PDE4B: variants seen among roughly 807,000 people sequenced by gnomAD.
The protein encoded by PDE4B is 3',5'-cyclic-AMP phosphodiesterase 4B.
In PDE4B, 20 loss-of-function variants were observed where a neutral mutation model predicts 82.2. That is an observed-to-expected ratio of 0.24 (90% CI 0.17 to 0.35). The LOEUF (loss-of-function observed/expected upper bound fraction) is 0.35, where lower values mean the gene tolerates loss of function less well. PDE4B is among the 10% of genes least tolerant of loss of function. PDE4B has a pLI of 1.00. For missense variants in PDE4B, 655 were observed against 907.2 expected (o/e 0.72, Z 3.57); for synonymous variants, 320 against 318.9 (o/e 1.00, Z -0.04).
intron 3 of PDE4B, among the ~76,000 whole-genome samples, chr1:66,032,829 T>C (rs1243382196): frequency 1.3e-5 from 2 of 152,006 alleles, no homozygotes; most frequent in East Asian, 1.9e-4. Context: ...TAATTTTTTG[T>C]ATTTTTAGTG....
At position 66,155,940 on chromosome 1, in the gene PDE4B, A is replaced by T. The variant is rs1416168917; in HGVS notation, c.282-91520A>T. Reference sequence around the variant, plus strand: ...ACCCCTGCCTGATTTCTTGTACTTTATGCTTCTACAAAACCAATGTTAATC... The same window carrying T: ...ACCCCTGCCTGATTTCTTGTACTTTTTGCTTCTACAAAACCAATGTTAATC... On this transcript the variant is annotated intron_variant, in intron 3 of 16. Transcript: ENST00000341517. 2.6e-5 allele frequency among the ~76,000 whole-genome samples: 4 copies of T among 152,124 alleles called. No individual in the cohort carries two copies. In the South Asian group the frequency reaches 6.2e-4, roughly 24 times the overall value.
At chr1:66,350,794 A>C (rs1336202268) in intron 8 of PDE4B, among the ~76,000 whole-genome samples, 1 of 152,212 alleles carries the variant, frequency 6.6e-6, no homozygotes, top group Non-Finnish European at 1.5e-5. Flanking sequence ...AGAAAAGTGA[A>C]GAAGTGTCCT....
At chr1:66,000,552 T>C (rs1472367063) in intron 3 of PDE4B, among the ~76,000 whole-genome samples, 1 of 152,206 alleles carries the variant, frequency 6.6e-6, no homozygotes, top group African/African-American at 2.4e-5. Flanking sequence ...GGGACCTCTG[T>C]CACTGGTAGT....
intron 3 of PDE4B, among the ~76,000 whole-genome samples, chr1:65,940,594 T>A (rs552948664): frequency 1.4e-4 from 22 of 152,140 alleles, no homozygotes; most frequent in Non-Finnish European, 2.2e-4. Context: ...ATTTAATTGC[T>A]TTTTAGAAAC....
chr1:66,162,242 T>A (rs1646629358), intron 3 of PDE4B, among the ~76,000 whole-genome samples: 1 of 147,124 alleles, frequency 6.8e-6, no homozygotes, highest in Non-Finnish European at 1.5e-5. Flanking sequence ...AATTAAAAAC[T>A]AATGCAGAGG....
chr1:65,978,645 A>G (rs1650534480), intron 3 of PDE4B, among the ~76,000 whole-genome samples: 2 of 152,224 alleles, frequency 1.3e-5, no homozygotes, highest in Admixed American at 1.3e-4. Context: ...CTTAATAAAA[A>G]TATCAAGAGT....
At chr1:65,924,286 G>T (rs907532906) in intron 3 of PDE4B, among the ~76,000 whole-genome samples, 1 of 148,842 alleles carries the variant, frequency 6.7e-6, no homozygotes, top group Non-Finnish European at 1.5e-5. Flanking sequence ...GTTTTAGCCG[G>T]GATGGTCTCG....
intron 3 of PDE4B, among the ~76,000 whole-genome samples, chr1:66,041,150 G>C (rs1325944243): frequency 6.6e-6 from 1 of 151,838 alleles, no homozygotes; most frequent in Non-Finnish European, 1.5e-5. Context: ...TATTTATTGG[G>C]CAAACATGCT....
intron 1 of PDE4B, among the ~76,000 whole-genome samples, chr1:65,898,203 T>G (rs1646932214): frequency 6.6e-6 from 1 of 152,054 alleles, no homozygotes; most frequent in Non-Finnish European, 1.5e-5. Context: ...GTTGAATTGT[T>G]TGTTTCTAAA....
In PDE4B at chr1:65,884,714, A is replaced by G. The variant is rs1455694256; in HGVS notation, c.-70-28531A>G. Among the ~76,000 whole-genome samples, 10 of 152,342 alleles carry G rather than the reference A, an allele frequency of 6.6e-5. No homozygotes were observed. In the South Asian group the frequency reaches 1.2e-3, roughly 19 times the overall value. ...CACCTTATACAAAAATTAATTCAAG[A>G]TGGATTAAAGACTTGAATGTTAGAC... On this transcript the variant is annotated intron_variant, in intron 1 of 16. Transcript: ENST00000341517.
intron 1 of PDE4B, among the ~76,000 whole-genome samples, chr1:65,814,960 A>G (rs1032695129): frequency 6.6e-6 from 1 of 151,856 alleles, no homozygotes; most frequent in Non-Finnish European, 1.5e-5. Flanking sequence ...GTGCTTGGCT[A>G]TGCAAAAATT....
At chr1:65,981,238 A>T (rs1186473096) in intron 3 of PDE4B, among the ~76,000 whole-genome samples, 1 of 152,212 alleles carries the variant, frequency 6.6e-6, no homozygotes, top group Admixed American at 6.5e-5. Flanking sequence ...TCTTTTTGAC[A>T]TGAAAGACAA....
chr1:65,999,054 A>G (rs1350600903), intron 3 of PDE4B, among the ~76,000 whole-genome samples: 1 of 152,166 alleles, frequency 6.6e-6, no homozygotes, highest in Non-Finnish European at 1.5e-5. Context: ...TTTTTAAAAT[A>G]CTTACAGTAA....
chr1:66,352,099 T>C (rs1661878807), intron 8 of PDE4B, among the ~76,000 whole-genome samples: 2 of 152,248 alleles, frequency 1.3e-5, no homozygotes, highest in African/African-American at 2.4e-5. Flanking sequence ...ATCAGTGTGG[T>C]TGGGCCCTCC....
chr1:65,940,288 G>A, intron 3 of PDE4B, among the ~76,000 whole-genome samples: 1 of 152,178 alleles, frequency 6.6e-6, no homozygotes, highest in Middle Eastern at 3.4e-3. Flanking sequence ...AAAGGCCGGG[G>A]TGAATGGAGA....
intron 4 of PDE4B, among the ~76,000 whole-genome samples, chr1:66,257,188 G>A (rs141964740): frequency 1.3e-5 from 2 of 152,104 alleles, no homozygotes; most frequent in African/African-American, 4.8e-5. Context: ...TGTTTAAATG[G>A]CATTAAAGCT....
rs1646267537 is a variant in PDE4B at position 65,846,302 on chromosome 1, G to A, written c.-71+53054G>A. Among the ~76,000 whole-genome samples the A allele has an allele frequency of 2.0e-5, 3 of 152,122 alleles. No individual in the cohort carries two copies. In the South Asian group the frequency reaches 6.2e-4, roughly 32 times the overall value. On this transcript the variant is annotated intron_variant, in intron 1 of 16. Transcript: ENST00000341517. ...GAGCTCTGCATTTCCCAACCCCTTT[G>A]GGGGCTGACAACAAACTTCACTAGA...
chr1:65,955,289 T>C (rs1473622308), intron 3 of PDE4B, among the ~76,000 whole-genome samples: 1 of 152,118 alleles, frequency 6.6e-6, no homozygotes, highest in African/African-American at 2.4e-5. Flanking sequence ...TTCTGAGGAC[T>C]GGGAAGAGAG....
intron 3 of PDE4B, among the ~76,000 whole-genome samples, chr1:66,120,060 A>G (rs1016001762): frequency 1.3e-5 from 2 of 152,160 alleles, no homozygotes; most frequent in Admixed American, 6.6e-5. Flanking sequence ...CAATATATTT[A>G]TGTTGTTTAA....
Sources: gnomAD v4.1 joint callset for allele counts (sites outside exome capture counted in the v4.1 genomes callset) on GRCh38, gnomAD v4.1.1 for gene constraint, MANE v1.5 for transcripts, NCBI Gene and HGNC (gene_info 2026-07-23, HGNC 2026-07-21) for gene names.